GMPS: variants seen among roughly 807,000 people sequenced by gnomAD.
GMPS encodes guanosine monophosphate synthase.
A neutral mutation model predicts 77.9 loss-of-function variants in GMPS; 15 were observed. The ratio of observed to expected loss-of-function variants is 0.19; its 90% CI spans 0.13 to 0.30. The LOEUF is 0.30. Among genes scored for constraint, GMPS ranks in the 10% least tolerant of loss-of-function variants. GMPS has a pLI of 1.00. For synonymous variants in GMPS, 224 were observed against 275.9 expected, an observed-to-expected ratio of 0.81 and a Z score of 1.86; for missense variants, 590 against 838.8, an observed-to-expected ratio of 0.70 and a Z score of 3.66.
intron 2 of GMPS, among the ~76,000 whole-genome samples, 165 bp from the exon 3 acceptor site, chr3:155,897,762 T>C (rs999834208): frequency 6.6e-6 from 1 of 152,224 alleles, no homozygotes; most frequent in Non-Finnish European, 1.5e-5. Context: ...TTAAACCACG[T>C]AGGATGACAA....
rs746246335 is a variant in GMPS at position 155,942,090 on chromosome 3, AGTTTT to A, written c.*4409_*4413del. On this transcript the variant is annotated 3_prime_UTR_variant, in exon 16 of 16. Transcript: ENST00000496455. ...GAGGAGGTAGAACTCAAGCATTTACAGTTTTGTTTTGTTTTTTTTTTAAGACAGAG... is the reference window on the plus strand; with the variant it reads ...GAGGAGGTAGAACTCAAGCATTTACAGTTTTGTTTTTTTTTTAAGACAGAG... 88 of 196,978 alleles carry A rather than the reference AGTTTT, an allele frequency of 4.5e-4. No homozygotes were observed. Among genetic ancestry groups the A allele is most frequent in the Non-Finnish European group, 8.3e-4 (79 of 95,366 alleles). 12.2% of individuals were successfully genotyped at this position (196,978 alleles called of 1,614,324 possible).
chr3:155,880,801 C>T (rs2108053776), intron 1 of GMPS, among the ~76,000 whole-genome samples: 1 of 151,826 alleles, frequency 6.6e-6, no homozygotes, highest in East Asian at 1.9e-4. Context: ...GGTGGTACAT[C>T]TTGGGTTAAC....
intron 4 of GMPS, among the ~76,000 whole-genome samples, chr3:155,905,655 C>T (rs1428751161): frequency 6.6e-6 from 1 of 151,990 alleles, no homozygotes; most frequent in Non-Finnish European, 1.5e-5. Flanking sequence ...TTTGTATCTC[C>T]CTACTCTTAA....
chr3:155,925,078 A>T (rs996554052), intron 11 of GMPS, among the ~76,000 whole-genome samples, 163 bp from the exon 12 acceptor site: 1 of 152,224 alleles, frequency 6.6e-6, no homozygotes, highest in Non-Finnish European at 1.5e-5. Context: ...CCTAGCCCTC[A>T]GGTGTGAATT....
chr3:155,937,286 C>T (rs1755786583), intron 15 of GMPS, among the ~76,000 whole-genome samples: 2 of 152,202 alleles, frequency 1.3e-5, no homozygotes, highest in South Asian at 2.1e-4. Context: ...AATGTCAAAT[C>T]GCTATATGTT....
At chr3:155,900,717 C>T (rs1024583303) in intron 3 of GMPS, among the ~76,000 whole-genome samples, 1 of 152,110 alleles carries the variant, frequency 6.6e-6, no homozygotes, top group African/African-American at 2.4e-5. Context: ...AAATGCATAA[C>T]AATTTTTGCC....
chr3:155,890,002 C>T lies in GMPS; in HGVS notation c.28-3516C>T, dbSNP rs191049421. Among the ~76,000 whole-genome samples the T allele has an allele frequency of 5.0e-3, 762 of 152,206 alleles. 8 individuals carry two copies. The highest frequency in any genetic ancestry group is 0.018 in the African/African-American group (735 of 41,524). ...CTCATTAGGATGGTTTTTCTAATAT[C>T]TCGAATCTAATTATCAAACTTTACA... On this transcript the variant is annotated intron_variant, in intron 1 of 15. Coordinates refer to ENST00000496455, the MANE Select transcript of GMPS (RefSeq NM_003875.3).
At chr3:155,906,361 T>C in intron 5 of GMPS, 98 bp downstream of exon 5, 2 of 597,882 alleles carry the variant, frequency 3.3e-6, no homozygotes, top group Non-Finnish European at 2.9e-6. Flanking sequence ...TTTTCCTTTT[T>C]CTTCTGATTT....
At chr3:155,896,542 A>G (rs1754607594) in intron 2 of GMPS, among the ~76,000 whole-genome samples, 1 of 151,318 alleles carries the variant, frequency 6.6e-6, no homozygotes, top group African/African-American at 2.4e-5. Context: ...AAAATGATCT[A>G]GCTTGCTGAG....
At chr3:155,884,727 C>T (rs1754295507) in intron 1 of GMPS, among the ~76,000 whole-genome samples, 1 of 152,164 alleles carries the variant, frequency 6.6e-6, no homozygotes, top group Admixed American at 6.5e-5. Context: ...TACAGTAGAA[C>T]TGTATTCAGT....
chr3:155,879,443 T>TTTTAGTAGAGTTTAGTAGAG (rs796770836), intron 1 of GMPS, among the ~76,000 whole-genome samples: 174 of 151,890 alleles, frequency 1.1e-3, no homozygotes, highest in African/African-American at 3.9e-3. Flanking sequence ...ATTTTTGTAC[T>TTTTAGTAGAGTTTAGTAGAG]TTTAGTAGAG....
chr3:155,888,516 A>T (rs545704553), intron 1 of GMPS, among the ~76,000 whole-genome samples: 3 of 151,094 alleles, frequency 2.0e-5, no homozygotes, highest in Non-Finnish European at 4.4e-5. Flanking sequence ...TGTGGCCTCA[A>T]CCTCCTGGGC....
rs567272667 is a variant in GMPS at position 155,881,389 on chromosome 3, C to T, written c.27+10492C>T. ...GTTTCTCCATGTTGGTCAGGCTGGT[C>T]TCAAACTCCCAACCTTAGGTGATCT... On this transcript the variant is annotated intron_variant, in intron 1 of 15. Transcript: ENST00000496455. Among the ~76,000 whole-genome samples the T allele has an allele frequency of 6.6e-5, 10 of 152,164 alleles. No homozygotes were observed. The South Asian group carries it at 1.9e-3, about 28-fold the overall frequency.
chr3:155,914,098 C>T (rs150034573), intron 7 of GMPS, among the ~76,000 whole-genome samples: 1,734 of 152,088 alleles, frequency 0.011, 17 homozygotes, highest in Non-Finnish European at 0.016. Flanking sequence ...AGGCACCCGT[C>T]ACCACACCCA....
At chr3:155,887,999 CTTCAT>C (rs1372904761) in intron 1 of GMPS, among the ~76,000 whole-genome samples, 1 of 152,090 alleles carries the variant, frequency 6.6e-6, no homozygotes, top group African/African-American at 2.4e-5. Context: ...TAGGTTCCAA[CTTCAT>C]TCAGTGTTAT....
chr3:155,911,104 T>C lies in GMPS; in HGVS notation c.721-10T>C, dbSNP rs983583998. Reference sequence around the variant, plus strand: ...TTTTGCTCATTTTGATTTTTCATTTTACCCCGTAGGTTTTACTCAGTGGTG... The same window carrying C: ...TTTTGCTCATTTTGATTTTTCATTTCACCCCGTAGGTTTTACTCAGTGGTG... On this transcript the variant is annotated splice_polypyrimidine_tract_variant and intron_variant, in intron 6 of 15. Coordinates refer to ENST00000496455, the MANE Select transcript of GMPS (RefSeq NM_003875.3). 7 of 1,577,324 alleles carry C rather than the reference T, an allele frequency of 4.4e-6. No homozygotes were observed. In the African/African-American group the frequency reaches 9.6e-5, roughly 22 times the overall value.
chr3:155,883,839 A>G (rs1477002100), intron 1 of GMPS, among the ~76,000 whole-genome samples: 1 of 152,170 alleles, frequency 6.6e-6, no homozygotes, highest in Non-Finnish European at 1.5e-5. Context: ...CATAGTTCAG[A>G]ACTTTTCCTT....
chr3:155,881,367 T>A (rs2108054727), intron 1 of GMPS, among the ~76,000 whole-genome samples: 1 of 152,080 alleles, frequency 6.6e-6, no homozygotes, highest in East Asian at 1.9e-4. Flanking sequence ...AGACAGGGTT[T>A]CTCCATGTTG....
At chr3:155,880,136 G>A (rs368540051) in intron 1 of GMPS, among the ~76,000 whole-genome samples, 2 of 152,200 alleles carry the variant, frequency 1.3e-5, no homozygotes, top group African/African-American at 4.8e-5. Flanking sequence ...CTAAAAAACT[G>A]TTGGCCTCAT....
Sources: gnomAD v4.1 joint callset for allele counts (sites outside exome capture counted in the v4.1 genomes callset) on GRCh38, gnomAD v4.1.1 for gene constraint, MANE v1.5 for transcripts, NCBI Gene and HGNC (gene_info 2026-07-23, HGNC 2026-07-21) for gene names.